Variants in HUWE1 observed in about 807,000 individuals in gnomAD.
The protein encoded by HUWE1 is HECT, UBA and WWE domain containing E3 ubiquitin protein ligase 1.
HUWE1 carries 18 observed loss-of-function variants against 299.4 expected under a neutral mutation model. The ratio of observed to expected loss-of-function variants is 0.06; its 90% CI spans 0.04 to 0.09. The LOEUF (loss-of-function observed/expected upper bound fraction) is 0.09, where lower values mean the gene tolerates loss of function less well. HUWE1 is among the 10% of genes least tolerant of loss of function. The probability of loss-of-function intolerance (pLI) is 1.00; values close to 1 mark genes in which losing one functional copy is unlikely to be tolerated. For synonymous variants in HUWE1, 1,317 were observed against 1,286.1 expected (o/e 1.02, Z -0.51); for missense variants, 1,832 against 3,462.3 (o/e 0.53, Z 11.82).
intron 11 of HUWE1, 105 bp from the exon 12 acceptor site, chrX:53,631,139 G>A: frequency 1.8e-6 from 1 of 557,849 alleles, no homozygotes; most frequent in Non-Finnish European, 3.1e-6. Context: ...TTTCTCCTTT[G>A]ATATCCGAAG....
intron 66 of HUWE1, 136 bp downstream of exon 66, chrX:53,550,530 A>T: frequency 1.7e-6 from 1 of 579,332 alleles, no homozygotes. Flanking sequence ...TGGCTCTCTC[A>T]CTTATTCAAG....
At position 53,546,487 on chromosome X, in the gene HUWE1, G is replaced by A. The variant is rs781855070; in HGVS notation, c.10864C>T (p.Leu3622=). 5 of 1,210,977 alleles carry A rather than the reference G, an allele frequency of 4.1e-6. No homozygotes were observed. The highest frequency in any genetic ancestry group is 5.6e-6 in the Non-Finnish European group (5 of 894,928). The change falls in exon 70 of 84, where the codon CTG becomes TTG. Residue 3622 remains leucine, a synonymous_variant. Coordinates refer to ENST00000262854, the MANE Select transcript of HUWE1 (RefSeq NM_031407.7). ...AGATGGCGGGCTCCATTCAGTAGCA[G>A]CTTGAGAACAGTGTCCCGGGTCCCA... is the stretch of plus-strand genomic sequence containing the variant. ...DSGTRDTVLK[L]LLNGARHLGY...
chrX:53,647,638 A>C, intron 5 of HUWE1, 64 bp from the exon 6 acceptor site: 1 of 827,915 alleles, frequency 1.2e-6, no homozygotes, highest in Non-Finnish European at 1.8e-6. Context: ...GTGCTTTCTA[A>C]CTGAGCTTTG....
chrX:53,654,006 TA>T (rs782819765), intron 4 of HUWE1, 56 bp downstream of exon 4: 27 of 860,578 alleles, frequency 3.1e-5, no homozygotes, highest in African/African-American at 8.1e-5. Flanking sequence ...TGTTCACAAA[TA>T]TTTTTTTATT....
intron 3 of HUWE1, among the ~76,000 whole-genome samples, chrX:53,658,806 G>A (rs1159165013): frequency 2.7e-5 from 3 of 112,392 alleles, no homozygotes; most frequent in Admixed American, 9.4e-5. Context: ...GAAAATATTT[G>A]CAAAAGACAT....
chrX:53,578,594 C>T (rs1160815337), intron 43 of HUWE1, among the ~76,000 whole-genome samples: 1 of 93,355 alleles, frequency 1.1e-5, no homozygotes, highest in African/African-American at 4.2e-5. Context: ...GGGTCAGCCC[C>T]CTGCCCGGCC....
At chrX:53,641,843 G>A (rs782282520) in intron 7 of HUWE1, among the ~76,000 whole-genome samples, 2 of 111,389 alleles carry the variant, frequency 1.8e-5, no homozygotes, top group Admixed American at 1.9e-4. Flanking sequence ...AATGTTACTT[G>A]TCTCTATTTA....
At chrX:53,584,393 A>G (rs1556971195) in intron 40 of HUWE1, 48 bp from the exon 41 acceptor site, 1 of 1,068,514 alleles carries the variant, frequency 9.4e-7, no homozygotes, top group East Asian at 3.1e-5. Flanking sequence ...AAAATGAATT[A>G]TAAAGGTGGG....
chrX:53,614,872 T>G, intron 22 of HUWE1, 127 bp from the exon 23 acceptor site: 1 of 498,692 alleles, frequency 2.0e-6, no homozygotes, highest in Non-Finnish European at 3.6e-6. Flanking sequence ...ACATGTTATA[T>G]ACATAATTCC....
chrX:53,562,678 C>T (rs2062351831), intron 53 of HUWE1, among the ~76,000 whole-genome samples, 153 bp downstream of exon 53: 1 of 112,195 alleles, frequency 8.9e-6, no homozygotes, highest in African/African-American at 3.2e-5. Context: ...GAAAAACTGG[C>T]TGAGGATAAA....
rs782464292 is a variant in HUWE1 at position 53,631,453 on chromosome X, T to C, written c.723A>G (p.Glu241=). Residue 241 remains glutamate, a synonymous_variant, in exon 11 of 84, where the codon GAA becomes GAG. Coordinates refer to ENST00000262854, the MANE Select transcript of HUWE1 (RefSeq NM_031407.7). The stretch of plus-strand genomic sequence containing the variant: ...GAATGCTGTACATTTTGGTAAGAGA[T>C]TCCATGATTTCAGAAGGGCTTTCTG... ...KISESPSEIM[E]SLTKMYSIPK... is the part of the protein sequence containing the mutation. The C allele has an allele frequency of 5.0e-6, 6 of 1,202,540 alleles. No homozygotes were observed.
chrX:53,645,752 T>A (rs868949488), intron 6 of HUWE1, among the ~76,000 whole-genome samples: 4,374 of 79,160 alleles, frequency 0.055, 722 homozygotes, highest in African/African-American at 0.22. Context: ...TATATATATA[T>A]ATATATATAT....
At chrX:53,540,234 T>C (rs1556917401) in intron 74 of HUWE1, among the ~76,000 whole-genome samples, 1 of 112,153 alleles carries the variant, frequency 8.9e-6, no homozygotes. Flanking sequence ...TTCTGACAGC[T>C]GGCCTTGGAA....
chrX:53,574,426 T>C (rs181462907), intron 46 of HUWE1, among the ~76,000 whole-genome samples: 136 of 112,520 alleles, frequency 1.2e-3, no homozygotes, highest in African/African-American at 4.1e-3. Context: ...TCCTGCATTA[T>C]AACTCTTGCA....
chrX:53,686,489 G>C (rs1332900105), intron 1 of HUWE1, 99 bp downstream of exon 1: 1 of 112,881 alleles, frequency 8.9e-6, no homozygotes, highest in African/African-American at 3.2e-5. Flanking sequence ...GCAGGGTCCC[G>C]TGGGAACTCC....
At chrX:53,624,773 G>A in intron 18 of HUWE1, 98 bp from the exon 19 acceptor site, 1 of 611,841 alleles carries the variant, frequency 1.6e-6, no homozygotes, top group Non-Finnish European at 2.7e-6. Context: ...TCACACTGTG[G>A]TCCTCAAAGC....
chrX:53,564,953 C>G, intron 50 of HUWE1, 114 bp downstream of exon 50: 1 of 894,641 alleles, frequency 1.1e-6, no homozygotes, highest in Non-Finnish European at 1.6e-6. Context: ...TATGACAGAT[C>G]TCTGGAAGGC....
chrX:53,660,098 G>C (rs2068925302), intron 3 of HUWE1, among the ~76,000 whole-genome samples: 1 of 111,789 alleles, frequency 8.9e-6, no homozygotes, highest in African/African-American at 3.3e-5. Flanking sequence ...GAGAGTATCT[G>C]ATAGCTCACA....
chrX:53,661,581 T>C (rs2069006863), intron 3 of HUWE1, among the ~76,000 whole-genome samples: 1 of 111,404 alleles, frequency 9.0e-6, no homozygotes, highest in Admixed American at 9.5e-5. Flanking sequence ...TAAAAAAAAA[T>C]CCTTCCATAA....
Sources: gnomAD v4.1 joint callset for allele counts (sites outside exome capture counted in the v4.1 genomes callset) on GRCh38, gnomAD v4.1.1 for gene constraint, MANE v1.5 for transcripts, NCBI Gene and HGNC (gene_info 2026-07-23, HGNC 2026-07-21) for gene names.